Variants in FLG observed in about 807,000 individuals in gnomAD.
The protein encoded by FLG is epidermal filaggrin.
Under a neutral mutation model 3.8 loss-of-function variants are expected in FLG, and 6 were observed. The observed-to-expected ratio is 1.60, with a 90% CI of 0.87 to 3.15. FLG has a LOEUF of 3.15. Ranked by LOEUF, FLG falls within the 30% of genes most tolerant of loss-of-function variation. The probability of loss-of-function intolerance (pLI) is 0.00; values close to 1 mark genes in which losing one functional copy is unlikely to be tolerated. For synonymous variants in FLG, 2,551 were observed against 1,931.6 expected, an observed-to-expected ratio of 1.32 and a Z score of -8.41; for missense variants, 7,595 against 5,050.9, an observed-to-expected ratio of 1.50 and a Z score of -15.27.
Position 152,313,023 on chromosome 1 carries a change from A to C in FLG, c.1863T>G (p.Val621=), listed in dbSNP as rs1239664796. ...GTCCCTGACTGTCACTGTCCTGGCT[A>C]ACACTGGATCCCTGGTTCCTACTTG... ...PRTSRNQGSS[V]SQDSDSQGHS... is the part of the protein sequence containing the mutation. The change falls in exon 3 of 3, where the codon GTT becomes GTG. Residue 621 remains valine (V), a synonymous_variant. Transcript: ENST00000368799. 4 of 1,613,770 alleles carry C rather than the reference A, an allele frequency of 2.5e-6. No homozygotes were observed. The highest frequency in any genetic ancestry group is 1.3e-5 in the African/African-American group (1 of 74,774).
Position 152,309,915 on chromosome 1 carries a change from A to G in FLG, c.4971T>C (p.His1657=), listed in dbSNP as rs757002494. The change falls in exon 3 of 3, where the codon CAT becomes CAC. Residue 1657 remains histidine, a synonymous_variant. Coordinates refer to ENST00000368799, the MANE Select transcript of FLG (RefSeq NM_002016.2). The part of the protein sequence containing the change: ...AESSRQSGTR[H]AETSSGGQAA... ...CCTGTCCACCAGAGGAAGTCTCTGC[A>G]TGACGAGTGCCTGATTGTCTGGAGC... 22 of 1,613,866 alleles carry G rather than the reference A, an allele frequency of 1.4e-5. No individual in the cohort carries two copies. In the East Asian group the frequency reaches 1.6e-4, roughly 11 times the overall value.
In FLG at chr1:152,312,325, C is replaced by T. The variant is rs373305550; in HGVS notation, c.2561G>A (p.Gly854Glu). Residue 854 changes from glycine (G) to glutamate (E), a missense_variant, in exon 3 of 3, where the codon GGG (glycine) becomes GAG (glutamate). Coordinates refer to ENST00000368799, the MANE Select transcript of FLG (RefSeq NM_002016.2). ...ATCTACCGATTGCTCGTGGTGGGAC[C>T]CCTGCCTTCCTCTTCTGCTTGACCC... Reference protein sequence around the residue: ...HPGSSRRGRQGSHHEQSVDRS... With the variant: ...HPGSSRRGRQESHHEQSVDRS... 4.3e-6 allele frequency: 7 copies of T among 1,613,146 alleles called. No individual in the cohort carries two copies. Among genetic ancestry groups the T allele is most frequent in the African/African-American group, 1.3e-5 (1 of 74,610 alleles).
Position 152,312,738 on chromosome 1 carries a change from T to C in FLG, c.2148A>G (p.Ser716=). ...TGCCTGAGTGTCTGGAGCTGTCTGCTGACTGGAGCTGGTGGCGGGATCCAT... is the reference window on the plus strand; with the variant it reads ...TGCCTGAGTGTCTGGAGCTGTCTGCCGACTGGAGCTGGTGGCGGGATCCAT... ...ERHGSRHQLQ[S]ADSSRHSGTG... Residue 716 remains serine, a synonymous_variant, in exon 3 of 3, where the codon TCA becomes TCG. Coordinates refer to ENST00000368799, the MANE Select transcript of FLG (RefSeq NM_002016.2). 6.2e-7 allele frequency: 1 copy of C among 1,614,024 alleles called. No individual in the cohort carries two copies. The highest frequency in any genetic ancestry group is 8.5e-7 in the Non-Finnish European group (1 of 1,180,022).
Position 152,315,238 on chromosome 1 carries a change from A to G in FLG, c.138+81T>C, listed in dbSNP as rs538421551. The G allele has an allele frequency of 3.7e-5, 49 of 1,328,812 alleles. 1 individual carries two copies. The South Asian group carries it at 6.1e-4, about 17-fold the overall frequency. 82.3% of individuals were successfully genotyped at this position (1,328,812 alleles called of 1,614,324 possible). ...TCCTATTTTAAGAGAAATAGTTCACAAAGAGCTCAAAATAACCCTTGCTTA... is the reference window on the plus strand; with the variant it reads ...TCCTATTTTAAGAGAAATAGTTCACGAAGAGCTCAAAATAACCCTTGCTTA... On this transcript the variant is annotated intron_variant, in intron 2 of 2. Transcript: ENST00000368799.
Position 152,307,403 on chromosome 1 carries a change from T to C in FLG, c.7483A>G (p.Thr2495Ala), listed in dbSNP as rs760407324. ...GCATCAGACCTTCCCTGGGATGTGG[T>C]GTGGCTGTGATGAGACCCTGAGTGT... is the stretch of plus-strand genomic sequence containing the variant. ...SGHSGSHHSH[T>A]TSQGRSDASH... Residue 2495 changes from threonine to alanine, a missense_variant, in exon 3 of 3, where the codon ACC becomes GCC. Physicochemically the swap from Thr to Ala is moderately conservative, Grantham distance 58. Transcript: ENST00000368799. The C allele has an allele frequency of 6.2e-7, 1 of 1,613,182 alleles. No homozygotes were observed. Among genetic ancestry groups the C allele is most frequent in the African/African-American group, 1.3e-5 (1 of 74,882 alleles).
chr1:152,310,631 G>A lies in FLG; in HGVS notation c.4255C>T (p.His1419Tyr), dbSNP rs768142420. 3 of 1,613,990 alleles carry A rather than the reference G, an allele frequency of 1.9e-6. No individual in the cohort carries two copies. Among genetic ancestry groups the A allele is most frequent in the Non-Finnish European group, 2.5e-6 (3 of 1,179,994 alleles). Residue 1419 changes from histidine to tyrosine, a missense_variant, in exon 3 of 3, where the codon CAT becomes TAT. His to Tyr is a moderately conservative substitution (Grantham distance 83, BLOSUM62 2). Coordinates refer to ENST00000368799, the MANE Select transcript of FLG (RefSeq NM_002016.2). ...GCGGACTCTTTGTGGCTCTGCTGAT[G>A]GGGCCCAGCTTGTCCGTGGGCTGAC... The part of the protein sequence containing the change: ...SVSAHGQAGP[H>Y]QQSHKESARG...
intron 1 of FLG, among the ~76,000 whole-genome samples, chr1:152,320,179 A>G (rs1034929765): frequency 6.6e-6 from 1 of 151,214 alleles, no homozygotes; most frequent in African/African-American, 2.4e-5. Flanking sequence ...GTAAATATTA[A>G]CTTAATCCAA....
At position 152,310,162 on chromosome 1, in the gene FLG, T is replaced by A. The variant is rs778856173; in HGVS notation, c.4724A>T (p.Gln1575Leu). Residue 1575 changes from glutamine to leucine, a missense_variant, in exon 3 of 3, where the codon CAG becomes CTG. Gln to Leu is a moderately radical substitution (Grantham distance 113). Coordinates refer to ENST00000368799, the MANE Select transcript of FLG (RefSeq NM_002016.2). The part of the protein sequence containing the change: ...STRAGSSRHS[Q>L]VGQGESAGSK... ...CCCCGCTGATTCTCCCTGGCCCACCTGTGAGTGTCTAGAGCTGCCGGCCCG... is the reference window on the plus strand; with the variant it reads ...CCCCGCTGATTCTCCCTGGCCCACCAGTGAGTGTCTAGAGCTGCCGGCCCG... The A allele has an allele frequency of 5.0e-6, 8 of 1,613,762 alleles. No individual in the cohort carries two copies. In the Admixed American group the frequency reaches 1.0e-4, roughly 20 times the overall value.
rs79808464 is a variant in FLG, at chr1:152,313,431, G to A, written c.1455C>T (p.Thr485=). ...HEQPDSAHGR[T]GTSTGGRQGS... is the part of the protein sequence containing the mutation. The stretch of plus-strand genomic sequence containing the variant: ...CTTGTCTTCCTCCAGTGCTGGTCCC[G>A]GTCCGTCCATGGGCAGAGTCAGGCT... Residue 485 remains threonine (T), a synonymous_variant, in exon 3 of 3, where the codon ACC becomes ACT. Coordinates refer to ENST00000368799, the MANE Select transcript of FLG (RefSeq NM_002016.2). 1,121 of 1,613,654 alleles carry A rather than the reference G, an allele frequency of 6.9e-4. 26 individuals carry two copies. The East Asian group carries it at 0.014, about 20-fold the overall frequency.
rs1210469645 is a variant in FLG, at chr1:152,310,176, GC to G, written c.4709del (p.Ser1570ThrfsTer136). On this transcript the variant is annotated frameshift_variant, in exon 3 of 3. Transcript: ENST00000368799. LOFTEE classifies it low-confidence loss of function (END_TRUNC). ...RHHEPSTRAG[S>X]SRHSQVGQGE... The stretch of plus-strand genomic sequence containing the variant: ...CCTGGCCCACCTGTGAGTGTCTAGA[GC>G]TGCCGGCCCGAGTGGAAGGTTCATG... 6.2e-7 allele frequency: 1 copy of G among 1,613,910 alleles called. No homozygotes were observed. Among genetic ancestry groups the G allele is most frequent in the Non-Finnish European group, 8.5e-7 (1 of 1,179,982 alleles).
intron 2 of FLG, 28 bp downstream of exon 2, chr1:152,315,291 T>C: frequency 1.2e-6 from 2 of 1,609,504 alleles, no homozygotes; most frequent in Non-Finnish European, 1.7e-6. Context: ...ACAAATGCTC[T>C]ATCTTTGGTC....
At chr1:152,320,111 G>T (rs553359144) in intron 1 of FLG, among the ~76,000 whole-genome samples, 2 of 151,218 alleles carry the variant, frequency 1.3e-5, no homozygotes, top group Non-Finnish European at 3.0e-5. Context: ...GGGCAAGGAT[G>T]CAGATAATAA....
rs779763307 is a variant in FLG at position 152,304,049 on chromosome 1, A to G, written c.10837T>C (p.Ser3613Pro). Residue 3613 changes from serine (S) to proline (P), a missense_variant, in exon 3 of 3, where the codon TCA becomes CCA. By Grantham distance (74) the Ser-to-Pro change is moderately conservative (BLOSUM62 -1). Coordinates refer to ENST00000368799, the MANE Select transcript of FLG (RefSeq NM_002016.2). ...AENSSGGQAA[S>P]SHEQARSSAG... ...CTTGATCTTGCCTGTTCATGGGATGATGCAGCCTGTCCACCAGAGGAATTC... is the reference window on the plus strand; with the variant it reads ...CTTGATCTTGCCTGTTCATGGGATGGTGCAGCCTGTCCACCAGAGGAATTC... 3.7e-6 allele frequency: 6 copies of G among 1,613,178 alleles called. No individual in the cohort carries two copies. The highest frequency in any genetic ancestry group is 5.1e-6 in the Non-Finnish European group (6 of 1,179,930).
Position 152,310,143 on chromosome 1 carries a change from T to G in FLG, c.4743A>C (p.Ser1581=), listed in dbSNP as rs1246922053. 6 of 1,613,958 alleles carry G rather than the reference T, an allele frequency of 3.7e-6. No individual in the cohort carries two copies. The highest frequency in any genetic ancestry group is 1.7e-4 in the Middle Eastern group (1 of 6,060). The stretch of plus-strand genomic sequence containing the variant: ...GGCGCCTGCTTGTCTTGGACCCCGC[T>G]GATTCTCCCTGGCCCACCTGTGAGT... ...SRHSQVGQGE[S]AGSKTSRRQG... is the part of the protein sequence containing the mutation. Residue 1581 remains serine (S), a synonymous_variant, in exon 3 of 3, where the codon TCA becomes TCC. Transcript: ENST00000368799.
rs770855196 is a variant in FLG at position 152,303,209 on chromosome 1, C to T, written c.11677G>A (p.Glu3893Lys). The change falls in exon 3 of 3, where the codon GAG becomes AAG. Residue 3893 changes from glutamate to lysine, a missense_variant. Transcript: ENST00000368799. ...ASRNHHGSSREQSRDGSRHPG... is the reference protein window; with the variant it reads ...ASRNHHGSSRKQSRDGSRHPG... ...TGTCTGGAGCCATCTCTTGACTGCT[C>T]CCGAGAAGATCCATGATGGTTTCTG... 6.2e-7 allele frequency: 1 copy of T among 1,614,072 alleles called. No homozygotes were observed. The highest frequency in any genetic ancestry group is 1.1e-5 in the South Asian group (1 of 91,074).
chr1:152,314,125 T>C lies in FLG; in HGVS notation c.761A>G (p.Asn254Ser), dbSNP rs969698285. 1.9e-6 allele frequency: 3 copies of C among 1,614,224 alleles called. No individual in the cohort carries two copies. The highest frequency in any genetic ancestry group is 2.5e-6 in the Non-Finnish European group (3 of 1,180,024). Residue 254 changes from asparagine to serine, a missense_variant, in exon 3 of 3, where the codon AAC (asparagine) becomes AGC (serine). Transcript: ENST00000368799. ...TGACCTTGATCTTTCATATATTTTG[T>C]TTTCTTCTAATAGACTATCAGTGGT... ...YDTTDSLLEE[N>S]KIYERSRSSD...
rs748562944 is a variant in FLG at position 152,312,156 on chromosome 1, C to T, written c.2730G>A (p.Gly910=). The T allele has an allele frequency of 1.9e-6, 3 of 1,613,850 alleles. No homozygotes were observed. Among genetic ancestry groups the T allele is most frequent in the Non-Finnish European group, 2.5e-6 (3 of 1,179,966 alleles). Residue 910 remains glycine, a synonymous_variant, in exon 3 of 3, where the codon GGG becomes GGA. Transcript: ENST00000368799. ...GAGAGGAAGCTTCATGGTGACGTGA[C>T]CCTGAGTGCCTGGAGCCGTCTCTTG... The part of the protein sequence containing the change: ...EQSRDGSRHS[G]SRHHEASSHA...
In FLG at chr1:152,307,524, C is replaced by G; in HGVS notation, c.7362G>C (p.Thr2454=). ...KQARDSSRHS[T]SQEGQDTIHG... is the part of the protein sequence containing the mutation. ...GAATGGTGTCCTGACCCTCTTGGGA[C>G]GTTGAGTGCCTGGAGCTGTCTCGTG... The change falls in exon 3 of 3, where the codon ACG becomes ACC. Residue 2454 remains threonine (T), a synonymous_variant. Transcript: ENST00000368799. 1.2e-6 allele frequency: 2 copies of G among 1,613,084 alleles called. No homozygotes were observed. The highest frequency in any genetic ancestry group is 2.2e-5 in the East Asian group (1 of 44,740).
rs766276354 is a variant in FLG, at chr1:152,314,079, A to G, written c.807T>C (p.Ser269=). ...RSRSSDGKSS[S]QVNRSRHENT... ...TTTCATGTCTTGACCTGTTCACTTGAGATGATGATTTGCCATCAGATGACC... is the reference window on the plus strand; with the variant it reads ...TTTCATGTCTTGACCTGTTCACTTGGGATGATGATTTGCCATCAGATGACC... The change falls in exon 3 of 3, where the codon TCT becomes TCC. Residue 269 remains serine, a synonymous_variant. Coordinates refer to ENST00000368799, the MANE Select transcript of FLG (RefSeq NM_002016.2). 4.7e-5 allele frequency: 76 copies of G among 1,614,002 alleles called. No individual in the cohort carries two copies. Among genetic ancestry groups the G allele is most frequent in the Non-Finnish European group, 6.1e-5 (72 of 1,180,036 alleles).
Sources: gnomAD v4.1 joint callset for allele counts (sites outside exome capture counted in the v4.1 genomes callset) on GRCh38, gnomAD v4.1.1 for gene constraint, MANE v1.5 for transcripts, NCBI Gene and HGNC (gene_info 2026-07-23, HGNC 2026-07-21) for gene names.